The following PAQR3 variants were observed in gnomAD, a reference collection of about 807,000 sequenced individuals.
The protein encoded by PAQR3 is progestin and adipoQ receptor family member 3, also known as Raf kinase trapping to Golgi.
A neutral mutation model predicts 41.7 loss-of-function variants in PAQR3; 39 were observed. The observed-to-expected ratio is 0.93, with a 90% CI of 0.72 to 1.22. The LOEUF (loss-of-function observed/expected upper bound fraction) is 1.22. Among genes scored for constraint, PAQR3 ranks in the 50% most tolerant of loss-of-function variants. PAQR3 has a pLI of 0.00. For synonymous variants in PAQR3, 140 were observed against 140.6 expected, an observed-to-expected ratio of 1.00 and a Z score of 0.03; for missense variants, 366 against 385.6, an observed-to-expected ratio of 0.95 and a Z score of 0.42.
Position 78,926,766 on chromosome 4 carries a change from G to C in PAQR3, c.505-48C>G, listed in dbSNP as rs1465076174. The C allele has an allele frequency of 3.2e-6, 5 of 1,553,854 alleles. No homozygotes were observed. The African/African-American group carries it at 6.8e-5, about 21-fold the overall frequency. ...TTTAATTCTGTTATTAACAATAAAGGAACTGAAAAAGTAATTTTGGCTTTT... is the reference window on the plus strand; with the variant it reads ...TTTAATTCTGTTATTAACAATAAAGCAACTGAAAAAGTAATTTTGGCTTTT... On this transcript the variant is annotated intron_variant, in intron 3 of 5. Coordinates refer to ENST00000512733, the MANE Select transcript of PAQR3 (RefSeq NM_001040202.2).
At position 78,920,216 on chromosome 4, in the gene PAQR3, C is replaced by T; in HGVS notation, c.*323G>A. ...CATTTTCTAATGGACATGAGCCCTT[C>T]CTAAGGAAATTAAGCTGGTGCTAAG... On this transcript the variant is annotated 3_prime_UTR_variant, in exon 6 of 6. Coordinates refer to ENST00000512733, the MANE Select transcript of PAQR3 (RefSeq NM_001040202.2). The T allele has an allele frequency of 9.8e-7, 1 of 1,023,790 alleles. No homozygotes were observed. The highest frequency in any genetic ancestry group is 8.7e-5 in the East Asian group (1 of 11,502). 63.4% of individuals were successfully genotyped at this position (1,023,790 alleles called of 1,614,324 possible). A position where few individuals can be genotyped will look rare whatever the true frequency, so the allele number is the denominator to read the frequency against.
At chr4:78,930,893 T>C (rs986781920) in intron 2 of PAQR3, among the ~76,000 whole-genome samples, 59 of 150,544 alleles carry the variant, frequency 3.9e-4, no homozygotes, top group East Asian at 1.8e-3. Context: ...TATATATATA[T>C]ATATATATAT....
intron 11 of PAQR3, among the ~76,000 whole-genome samples, chr4:78,903,502 CA>C (rs1560555420): frequency 6.6e-6 from 1 of 151,872 alleles, no homozygotes; most frequent in Non-Finnish European, 1.5e-5. Context: ...ATTTAGTGAA[CA>C]TTCACTAAAT....
In PAQR3 at chr4:78,905,003, T is replaced by C. The variant is rs928511574; in HGVS notation, c.*836+1105A>G. 2.6e-5 allele frequency among the ~76,000 whole-genome samples: 4 copies of C among 151,940 alleles called. No individual in the cohort carries two copies. The East Asian group carries it at 7.7e-4, about 29-fold the overall frequency. ...GCTACCTAAAGAAAATTTAACTCTA[T>C]ATTTTTGTATAAATATGTGGAATAT... On this transcript the variant is annotated intron_variant and NMD_transcript_variant, in intron 11 of 12. Transcript: ENST00000342820.
At chr4:78,892,529 G>A (rs1733493701) in intron 11 of PAQR3, among the ~76,000 whole-genome samples, 1 of 151,964 alleles carries the variant, frequency 6.6e-6, no homozygotes, top group Non-Finnish European at 1.5e-5. Context: ...GACTTTATCT[G>A]CTCTTTATTT....
chr4:78,936,520 AT>A, intron 1 of PAQR3, among the ~76,000 whole-genome samples: 1 of 152,188 alleles, frequency 6.6e-6, no homozygotes, highest in Admixed American at 6.5e-5. Context: ...ACTAGTAAGG[AT>A]TTCTGAATCA....
intron 1 of PAQR3, among the ~76,000 whole-genome samples, chr4:78,937,319 C>G (rs973977199): frequency 1.3e-5 from 2 of 152,144 alleles, no homozygotes; most frequent in Non-Finnish European, 2.9e-5. Context: ...GAGGTTCTCC[C>G]GTTCAGGCCA....
chr4:78,911,097 T>C, downstream of PAQR3: 1 of 1,613,978 alleles, frequency 6.2e-7, no homozygotes. Flanking sequence ...CAGTGGAGAC[T>C]CCCAAACAGG....
At chr4:78,936,813 T>C (rs1038652537) in intron 1 of PAQR3, among the ~76,000 whole-genome samples, 1 of 152,188 alleles carries the variant, frequency 6.6e-6, no homozygotes, top group Non-Finnish European at 1.5e-5. Context: ...GCACCACCTC[T>C]CCATGTTCCC....
chr4:78,893,788 C>T (rs944133464), intron 11 of PAQR3, among the ~76,000 whole-genome samples: 4 of 152,182 alleles, frequency 2.6e-5, no homozygotes, highest in African/African-American at 9.7e-5. Flanking sequence ...TCGTCTTGAA[C>T]TCCTGGCCTC....
At position 78,926,549 on chromosome 4, in the gene PAQR3, T is replaced by C. The variant is rs149525770; in HGVS notation, c.674A>G (p.Asn225Ser). 307 of 1,613,402 alleles carry C rather than the reference T, an allele frequency of 1.9e-4. No homozygotes were observed. The highest frequency in any genetic ancestry group is 2.3e-4 in the Non-Finnish European group (270 of 1,179,658). ...TACAATAGGAGCACCAATTCCTCCA[T>C]TGAGCCAAACCCAGTGAAGAGTAGG... ...VIPTLHWVWL[N>S]GGIGAPIVQD... is the part of the protein sequence containing the mutation. Residue 225 changes from asparagine (N) to serine (S), a missense_variant, in exon 4 of 6, where the codon AAT (asparagine) becomes AGT (serine). Asn to Ser is a conservative substitution (Grantham distance 46). Transcript: ENST00000512733.
chr4:78,906,597 C>T (rs1734298273), intron 10 of PAQR3, among the ~76,000 whole-genome samples: 1 of 152,050 alleles, frequency 6.6e-6, no homozygotes, highest in African/African-American at 2.4e-5. Flanking sequence ...TGTGGATATA[C>T]ATTTGTTGGT....
At chr4:78,890,714 A>C (rs957568213) in intron 11 of PAQR3, among the ~76,000 whole-genome samples, 33 of 152,040 alleles carry the variant, frequency 2.2e-4, no homozygotes, top group African/African-American at 8.0e-4. Context: ...TCTTCATTAC[A>C]TCTCTCATGG....
In PAQR3 at chr4:78,913,216, CCTG is replaced by C. The variant is rs1170075395; in HGVS notation, c.*7320_*7322del. 1 of 152,068 alleles carries C rather than the reference CCTG, an allele frequency of 6.6e-6. No homozygotes were observed. The highest frequency in any genetic ancestry group is 1.9e-4 in the East Asian group (1 of 5,196). 9.4% of individuals were successfully genotyped at this position (152,068 alleles called of 1,614,324 possible). A position where few individuals can be genotyped will look rare whatever the true frequency, so the allele number is the denominator to read the frequency against. On this transcript the variant is annotated 3_prime_UTR_variant, in exon 6 of 6. Transcript: ENST00000512733. ...TTATATAAAGGCAGGATTCATGCAT[CCTG>C]CTGCAAGTACCTCTGCACTAATATA... is the stretch of plus-strand genomic sequence containing the variant.
Position 78,922,395 on chromosome 4 carries a change from C to A in PAQR3, c.793+1462G>T, listed in dbSNP as rs769041275. The A allele has an allele frequency of 3.7e-5, 48 of 1,288,782 alleles. No homozygotes were observed. In the South Asian group the frequency reaches 5.8e-4, roughly 16 times the overall value. The allele number at this position is 1,288,782 out of a possible 1,614,324, so 79.8% of individuals were successfully genotyped here. On this transcript the variant is annotated intron_variant, in intron 5 of 5. Transcript: ENST00000512733. The stretch of plus-strand genomic sequence containing the variant: ...ACACACGTGACGAGTGGTACAATCC[C>A]TTCTCTGATTCACCGTGGAAGTGAT...
intron 11 of PAQR3, among the ~76,000 whole-genome samples, chr4:78,902,933 T>C (rs1215815594): frequency 6.6e-6 from 1 of 152,124 alleles, no homozygotes; most frequent in Non-Finnish European, 1.5e-5. Flanking sequence ...TAGGATCTCA[T>C]TCTTTTTATG....
chr4:78,935,304 C>T (rs957878243), intron 1 of PAQR3, 21 bp from the exon 2 acceptor site: 6 of 1,602,330 alleles, frequency 3.7e-6, no homozygotes, highest in African/African-American at 1.3e-5. Context: ...AACACACATG[C>T]AACTGAGATT....
downstream of PAQR3, among the ~76,000 whole-genome samples, chr4:78,910,369 C>T (rs1734522302): frequency 2.6e-5 from 4 of 152,130 alleles, no homozygotes; most frequent in South Asian, 2.1e-4. Flanking sequence ...AGTGAGAGTA[C>T]GATGAGGCAG....
intron 10 of PAQR3, among the ~76,000 whole-genome samples, chr4:78,906,542 A>T (rs1734295217): frequency 6.6e-6 from 1 of 152,142 alleles, no homozygotes; most frequent in African/African-American, 2.4e-5. Context: ...GCTGTCTAAA[A>T]ATCAAAAATA....
Sources: allele counts gnomAD v4.1 joint callset (sites outside exome capture counted in the v4.1 genomes callset), GRCh38; gene constraint gnomAD v4.1.1; transcripts MANE v1.5; gene names NCBI Gene and HGNC (gene_info 2026-07-23, HGNC 2026-07-21).